Variants in DNAJC13 observed in about 807,000 individuals in gnomAD.
DNAJC13 encodes the protein DnaJ heat shock protein family (Hsp40) member C13, also known as dnaJ homolog subfamily C member 13.
DNAJC13 carries 75 observed loss-of-function variants against 290.5 expected under a neutral mutation model. The observed-to-expected ratio is 0.26, with a 90% CI of 0.21 to 0.31. DNAJC13 has a LOEUF of 0.31. Among genes scored for constraint, DNAJC13 ranks in the 10% least tolerant of loss-of-function variants. DNAJC13 has a pLI of 1.00. For missense variants in DNAJC13, 2,260 were observed against 2,674.5 expected (o/e 0.85, Z 3.42); for synonymous variants, 862 against 892.0 (o/e 0.97, Z 0.60).
At chr3:132,534,947 C>T (rs1437796806) in intron 55 of DNAJC13, among the ~76,000 whole-genome samples, 1 of 152,182 alleles carries the variant, frequency 6.6e-6, no homozygotes, top group Non-Finnish European at 1.5e-5. Context: ...TGATGTGGAA[C>T]TCCAGGAATT....
At chr3:132,442,119 T>A in intron 2 of DNAJC13, among the ~76,000 whole-genome samples, 1 of 144,984 alleles carries the variant, frequency 6.9e-6, no homozygotes. Flanking sequence ...TGCTATAAAA[T>A]GCCATATGTT....
At chr3:132,475,924 T>C (rs1934457063) in intron 22 of DNAJC13, among the ~76,000 whole-genome samples, 1 of 151,898 alleles carries the variant, frequency 6.6e-6, no homozygotes, top group South Asian at 2.1e-4. Context: ...TTTAAATATT[T>C]TTATTTTATT....
intron 24 of DNAJC13, 138 bp downstream of exon 24, chr3:132,478,278 T>A: frequency 2.8e-6 from 2 of 718,250 alleles, no homozygotes; most frequent in African/African-American, 1.8e-5. Flanking sequence ...AATTTATACT[T>A]ATTTAAATCT....
intron 2 of DNAJC13, among the ~76,000 whole-genome samples, chr3:132,437,197 T>TA (rs1351371290): frequency 6.6e-6 from 1 of 152,186 alleles, no homozygotes; most frequent in Non-Finnish European, 1.5e-5. Flanking sequence ...TATTCACTTT[T>TA]AAATTAGGTT....
chr3:132,465,872 T>C (rs1030785775), intron 17 of DNAJC13, 123 bp from the exon 18 acceptor site: 2 of 593,836 alleles, frequency 3.4e-6, no homozygotes, highest in Non-Finnish European at 5.9e-6. Context: ...ATTTTTAACA[T>C]CGGAATGATT....
intron 29 of DNAJC13, among the ~76,000 whole-genome samples, chr3:132,486,914 T>C (rs1013796446): frequency 2.0e-5 from 3 of 152,174 alleles, no homozygotes; most frequent in Non-Finnish European, 4.4e-5. Context: ...ATAAATGTTA[T>C]AGGTTTTCTA....
chr3:132,487,559 A>ATTTTTTTTGTTTTTTTTTTTTTTTTT (rs1934919018), intron 29 of DNAJC13, among the ~76,000 whole-genome samples: 1 of 110,502 alleles, frequency 9.0e-6, no homozygotes, highest in African/African-American at 5.3e-5. Flanking sequence ...CCTGGCTGTA[A>ATTTTTTTTGTTTTTTTTTTTTTTTTT]TTTTTTTTTT....
At chr3:132,480,595 C>G in intron 26 of DNAJC13, 125 bp downstream of exon 26, 1 of 647,500 alleles carries the variant, frequency 1.5e-6, no homozygotes, top group Admixed American at 3.2e-5. Flanking sequence ...TACAGTAGTA[C>G]TAGTTCTGAG....
rs1935160107 is a variant in DNAJC13 at position 132,494,272 on chromosome 3, C to T, written c.3941+13C>T. 3 of 1,572,356 alleles carry T rather than the reference C, an allele frequency of 1.9e-6. No individual in the cohort carries two copies. Among genetic ancestry groups the T allele is most frequent in the Middle Eastern group, 1.7e-4 (1 of 5,988 alleles). ...AAGGACAGGGACCGTGAGTTGTTTTCAGTACAATAGCAAATGTCTGTCCCA... is the reference window on the plus strand; with the variant it reads ...AAGGACAGGGACCGTGAGTTGTTTTTAGTACAATAGCAAATGTCTGTCCCA... On this transcript the variant is annotated intron_variant, in intron 34 of 55. Transcript: ENST00000260818.
At chr3:132,430,420 T>TGG (rs1163466186) in intron 1 of DNAJC13, among the ~76,000 whole-genome samples, 1 of 152,110 alleles carries the variant, frequency 6.6e-6, no homozygotes, top group Non-Finnish European at 1.5e-5. Flanking sequence ...TTATTCCTTC[T>TGG]GGGTCATGCC....
chr3:132,521,865 C>T (rs1280211319), intron 48 of DNAJC13, among the ~76,000 whole-genome samples: 1 of 152,166 alleles, frequency 6.6e-6, no homozygotes, highest in East Asian at 1.9e-4. Context: ...TCCATGGGAA[C>T]CCCAGGAGAA....
At chr3:132,467,939 T>C (rs1388076837) in intron 20 of DNAJC13, among the ~76,000 whole-genome samples, 3 of 152,240 alleles carry the variant, frequency 2.0e-5, no homozygotes, top group Non-Finnish European at 2.9e-5. Flanking sequence ...TCTTCCCTTC[T>C]TCTCTGGACT....
chr3:132,481,358 C>T (rs1934667264), intron 26 of DNAJC13, among the ~76,000 whole-genome samples: 1 of 152,096 alleles, frequency 6.6e-6, no homozygotes, highest in Non-Finnish European at 1.5e-5. Flanking sequence ...GGGGCTGAGG[C>T]GGGAGGATCA....
At chr3:132,482,608 C>G (rs1415455316) in intron 27 of DNAJC13, among the ~76,000 whole-genome samples, 2 of 152,118 alleles carry the variant, frequency 1.3e-5, no homozygotes, top group African/African-American at 2.4e-5. Context: ...TAGTGGCTTA[C>G]ACCTGTAATT....
At chr3:132,434,851 A>G (rs927562973) in intron 2 of DNAJC13, among the ~76,000 whole-genome samples, 1 of 152,218 alleles carries the variant, frequency 6.6e-6, no homozygotes, top group East Asian at 1.9e-4. Context: ...GTGACAGTTA[A>G]AAGGAAAGTA....
chr3:132,516,821 G>A lies in DNAJC13; in HGVS notation c.5673+5G>A, dbSNP rs761271449. 3 of 1,599,970 alleles carry A rather than the reference G, an allele frequency of 1.9e-6. No individual in the cohort carries two copies. Among genetic ancestry groups the A allele is most frequent in the South Asian group, 1.1e-5 (1 of 88,448 alleles). On this transcript the variant is annotated splice_donor_5th_base_variant and intron_variant, in intron 48 of 55. Coordinates refer to ENST00000260818, the MANE Select transcript of DNAJC13 (RefSeq NM_015268.4). Reference sequence around the variant, plus strand: ...GATAAACTGATAGGTCCAAAGGTAGGCACAAAATAAGTTCTTGAAAGGAAA... The same window carrying A: ...GATAAACTGATAGGTCCAAAGGTAGACACAAAATAAGTTCTTGAAAGGAAA...
At chr3:132,496,897 A>G (rs545257697) in intron 36 of DNAJC13, among the ~76,000 whole-genome samples, 1 of 152,316 alleles carries the variant, frequency 6.6e-6, no homozygotes, top group African/African-American at 2.4e-5. Flanking sequence ...TGCATTTCTG[A>G]CATCTTCGCT....
chr3:132,418,033 A>T (rs574183808), intron 1 of DNAJC13, among the ~76,000 whole-genome samples: 1 of 149,966 alleles, frequency 6.7e-6, no homozygotes, highest in Non-Finnish European at 1.5e-5. Flanking sequence ...ACGCTCCTCC[A>T]CTCGCCTTAA....
At position 132,456,784 on chromosome 3, in the gene DNAJC13, G is replaced by A. The variant is rs1348018166; in HGVS notation, c.1301G>A (p.Arg434Lys). The A allele has an allele frequency of 6.2e-7, 1 of 1,613,830 alleles. No individual in the cohort carries two copies. Among genetic ancestry groups the A allele is most frequent in the Non-Finnish European group, 8.5e-7 (1 of 1,179,912 alleles). ...ELESQFQAVR[R>K]LVASKAGFLA... ...GAGAGTCAGTTCCAGGCTGTGAGGA[G>A]GCTTGTGGCATCCAAAGCTGGTTTC... Residue 434 changes from arginine (R) to lysine (K), a missense_variant, in exon 12 of 56, where the codon AGG (arginine) becomes AAG (lysine). Arg to Lys is a conservative substitution (Grantham distance 26, BLOSUM62 2). Transcript: ENST00000260818.
Sources: gnomAD v4.1 joint callset for allele counts (sites outside exome capture counted in the v4.1 genomes callset) on GRCh38, gnomAD v4.1.1 for gene constraint, MANE v1.5 for transcripts, NCBI Gene and HGNC (gene_info 2026-07-23, HGNC 2026-07-21) for gene names.